The following RCN2 variants were observed in gnomAD, a reference collection of about 807,000 sequenced individuals.
RCN2 encodes reticulocalbin 2, also known as reticulocalbin-2.
A neutral mutation model predicts 37.5 loss-of-function variants in RCN2; 23 were observed. The ratio of observed to expected loss-of-function variants is 0.61; its 90% CI spans 0.44 to 0.87. RCN2 has a LOEUF of 0.87. RCN2 is among the 40% of genes least tolerant of loss of function. The probability of loss-of-function intolerance (pLI) is 0.00; values close to 1 mark genes in which losing one functional copy is unlikely to be tolerated. For missense variants in RCN2, 381 were observed against 390.4 expected (o/e 0.98, Z 0.20); for synonymous variants, 140 against 144.6 (o/e 0.97, Z 0.23).
intron 3 of RCN2, chr15:76,942,946 A>C (rs1431137619): frequency 6.6e-6 from 1 of 152,050 alleles, no homozygotes; most frequent in Non-Finnish European, 1.5e-5. Context: ...TCATCTCCCC[A>C]CCCCCCAAAA....
chr15:76,931,775 G>C lies in RCN2; in HGVS notation c.-67G>C. 1.7e-6 allele frequency: 2 copies of C among 1,157,836 alleles called. No individual in the cohort carries two copies. The highest frequency in any genetic ancestry group is 1.6e-5 in the African/African-American group (1 of 61,838). 71.7% of individuals were successfully genotyped at this position (1,157,836 alleles called of 1,614,324 possible). ...TCTCTGTAGCCGCCCGCGGAGCATC[G>C]CAGCCGGCCCGGGCCCCCGCCAGCC... On this transcript the variant is annotated 5_prime_UTR_variant, in exon 1 of 7. Coordinates refer to ENST00000394885, the MANE Select transcript of RCN2 (RefSeq NM_002902.3).
chr15:76,943,800 G>A lies in RCN2; in HGVS notation c.490G>A (p.Asp164Asn). 6.2e-7 allele frequency: 1 copy of A among 1,607,892 alleles called. No individual in the cohort carries two copies. Among genetic ancestry groups the A allele is most frequent in the Admixed American group, 1.7e-5 (1 of 59,930 alleles). The change falls in exon 4 of 7, where the codon GAT becomes AAT. Residue 164 changes from aspartate (D) to asparagine (N), a missense_variant. Asp to Asn is a conservative substitution (Grantham distance 23). Transcript: ENST00000394885. ...DKKRFEKANQ[D>N]SGPGLSLEEF... is the part of the protein sequence containing the mutation. ...GAAGCGATTTGAAAAAGCTAACCAG[G>A]ATTCAGGTCCCGGTTTGAGTCTTGA...
Position 76,948,544 on chromosome 15 carries a change from C to T in RCN2, c.793C>T (p.Gln265Ter). The T allele has an allele frequency of 6.4e-7, 1 of 1,569,464 alleles. No individual in the cohort carries two copies. The highest frequency in any genetic ancestry group is 8.7e-7 in the Non-Finnish European group (1 of 1,153,704). The change falls in exon 6 of 7, where the codon CAA (glutamine) becomes TAA (stop). Residue 265 changes from glutamine (Q) to a stop codon, truncating the protein, a stop_gained. Coordinates refer to ENST00000394885, the MANE Select transcript of RCN2 (RefSeq NM_002902.3). LOFTEE classifies it high-confidence loss of function. ...AGTACCTAATAATCAGGGCATTGCA[C>T]AAGAGGAGGTAAGTGTTACAGAACA... is the stretch of plus-strand genomic sequence containing the variant. The part of the protein sequence containing the change: ...WVVPNNQGIA[Q>*]EEALHLIDEM...
In RCN2 at chr15:76,949,376, A is replaced by G. The variant is rs1002540572; in HGVS notation, c.*154A>G. The G allele has an allele frequency of 9.2e-5, 44 of 480,716 alleles. No individual in the cohort carries two copies. The highest frequency in any genetic ancestry group is 9.3e-5 in the Non-Finnish European group (27 of 291,116). The allele number at this position is 480,716 out of a possible 1,614,324, so 29.8% of individuals were successfully genotyped here. On this transcript the variant is annotated 3_prime_UTR_variant, in exon 7 of 7. Coordinates refer to ENST00000394885, the MANE Select transcript of RCN2 (RefSeq NM_002902.3). ...TAGATTATAATTTTGGTCTTTTAGG[A>G]AAAAAAAACAAAAATCTGATATTTA...
At chr15:76,932,338 CTG>C (rs1568458085) in intron 1 of RCN2, 21 bp from the exon 2 acceptor site, 5 of 1,575,902 alleles carry the variant, frequency 3.2e-6, no homozygotes, top group African/African-American at 1.3e-5. Flanking sequence ...CTTGGCCCTC[CTG>C]TGTGTCGCTT....
chr15:76,944,053 G>C (rs1309543608), intron 4 of RCN2, among the ~76,000 whole-genome samples, 182 bp downstream of exon 4: 1 of 148,482 alleles, frequency 6.7e-6, no homozygotes, highest in African/African-American at 2.5e-5. Context: ...AGTGCAGTGG[G>C]GCGATCTCGG....
rs2152651943 is a variant in RCN2, at chr15:76,948,764, G to A, written c.801+212G>A. On this transcript the variant is annotated intron_variant, in intron 6 of 6. Transcript: ENST00000394885. ...TGTCATGTATTAATTTGAGAGTACA[G>A]TGAATAGAATAATAGTTTGTATTTA... is the stretch of plus-strand genomic sequence containing the variant. 3 of 538,508 alleles carry A rather than the reference G, an allele frequency of 5.6e-6. No individual in the cohort carries two copies. The South Asian group carries it at 9.6e-5, about 17-fold the overall frequency. The allele number at this position is 538,508 out of a possible 1,614,324, so 33.4% of individuals were successfully genotyped here.
At chr15:76,938,595 T>G in intron 3 of RCN2, 1 of 398,072 alleles carries the variant, frequency 2.5e-6, no homozygotes, top group South Asian at 1.7e-5. Flanking sequence ...CTGTACCTGT[T>G]AAACAACACC....
chr15:76,943,796 C>T lies in RCN2; in HGVS notation c.486C>T (p.Asn162=). ...LKDKKRFEKA[N]QDSGPGLSLE... ...ACAAGAAGCGATTTGAAAAAGCTAA[C>T]CAGGATTCAGGTCCCGGTTTGAGTC... The change falls in exon 4 of 7, where the codon AAC becomes AAT. Residue 162 remains asparagine (N), a synonymous_variant. Coordinates refer to ENST00000394885, the MANE Select transcript of RCN2 (RefSeq NM_002902.3). 1 of 1,607,434 alleles carries T rather than the reference C, an allele frequency of 6.2e-7. No individual in the cohort carries two copies. The highest frequency in any genetic ancestry group is 8.5e-7 in the Non-Finnish European group (1 of 1,175,180).
intron 3 of RCN2, chr15:76,943,535 A>G (rs982428896): frequency 1.3e-5 from 5 of 383,418 alleles, no homozygotes; most frequent in Non-Finnish European, 1.4e-5. Context: ...CACCACAGCT[A>G]GTAAGTGGCA....
At chr15:76,939,595 G>T (rs2075268919) in intron 3 of RCN2, among the ~76,000 whole-genome samples, 1 of 152,140 alleles carries the variant, frequency 6.6e-6, no homozygotes, top group South Asian at 2.1e-4. Flanking sequence ...AACAAGTAGT[G>T]ATAATGAGAT....
rs1056744647 is a variant in RCN2, at chr15:76,950,885, A to G, written c.*1663A>G. 1.3e-5 allele frequency: 2 copies of G among 152,206 alleles called. No individual in the cohort carries two copies. Among genetic ancestry groups the G allele is most frequent in the Non-Finnish European group, 2.9e-5 (2 of 68,040 alleles). The allele number at this position is 152,206 out of a possible 1,614,324, so 9.4% of individuals were successfully genotyped here. A position where few individuals can be genotyped will look rare whatever the true frequency, so the allele number is the denominator to read the frequency against. On this transcript the variant is annotated 3_prime_UTR_variant, in exon 7 of 7. Transcript: ENST00000394885. ...CACCTATATACCTCTCTACTGCCGC[A>G]TCTTTGCTGATGTGAGGTGTGCTTG... is the stretch of plus-strand genomic sequence containing the variant.
chr15:76,935,378 C>T (rs1292813078), intron 2 of RCN2, 148 bp from the exon 3 acceptor site: 3 of 609,882 alleles, frequency 4.9e-6, no homozygotes, highest in South Asian at 2.0e-5. Context: ...TTTCCCACTT[C>T]CTACCCCATT....
At chr15:76,935,847 G>C (rs537645118) in intron 3 of RCN2, 125 bp downstream of exon 3, 3 of 638,080 alleles carry the variant, frequency 4.7e-6, no homozygotes, top group Non-Finnish European at 5.2e-6. Context: ...GAAATCACCT[G>C]TTCCACTTCA....
At chr15:76,934,922 A>G (rs2075240426) in intron 2 of RCN2, among the ~76,000 whole-genome samples, 1 of 152,218 alleles carries the variant, frequency 6.6e-6, no homozygotes, top group South Asian at 2.1e-4. Context: ...AATTCATTCA[A>G]CAAATACTTA....
chr15:76,943,457 GCTTATTAGAGA>G (rs1198620544), intron 3 of RCN2: 1 of 236,806 alleles, frequency 4.2e-6, no homozygotes, highest in Non-Finnish European at 8.1e-6. Context: ...CATCCCAATT[GCTTATTAGAGA>G]TTTTTATCCC....
chr15:76,947,448 G>T lies in RCN2; in HGVS notation c.589G>T (p.Glu197Ter). 1.2e-6 allele frequency: 2 copies of T among 1,605,542 alleles called. No homozygotes were observed. Among genetic ancestry groups the T allele is most frequent in the Non-Finnish European group, 1.7e-6 (2 of 1,176,452 alleles). The change falls in exon 5 of 7, where the codon GAA becomes TAA. Residue 197 changes from glutamate (E) to a stop codon, truncating the protein, a stop_gained. Transcript: ENST00000394885. LOFTEE classifies it high-confidence loss of function. ...ATTTGTCATTCAAGAAGCTTTAGAA[G>T]AACATGACAAAAATGGTGATGGATT... ...TEFVIQEALEEHDKNGDGFVS... is the reference protein window; with the variant it reads ...TEFVIQEALE
chr15:76,932,232 T>A, intron 1 of RCN2, 129 bp from the exon 2 acceptor site: 1 of 778,286 alleles, frequency 1.3e-6, no homozygotes, highest in Non-Finnish European at 2.1e-6. Context: ...GGTAGGGGCC[T>A]TGAAGTGCAG....
At chr15:76,932,205 A>G (rs886229000) in intron 1 of RCN2, among the ~76,000 whole-genome samples, 156 bp from the exon 2 acceptor site, 2 of 152,066 alleles carry the variant, frequency 1.3e-5, no homozygotes, top group Non-Finnish European at 2.9e-5. Flanking sequence ...CCCTCAGATC[A>G]TGGAGGGTGT....
Sources: gnomAD v4.1 joint callset for allele counts (sites outside exome capture counted in the v4.1 genomes callset) on GRCh38, gnomAD v4.1.1 for gene constraint, MANE v1.5 for transcripts, NCBI Gene and HGNC (gene_info 2026-07-23, HGNC 2026-07-21) for gene names.